ADAMTS18: variants seen among roughly 807,000 people sequenced by gnomAD.
ADAMTS18 encodes A disintegrin and metalloproteinase with thrombospondin motifs 18.
Under a neutral mutation model 165.9 loss-of-function variants are expected in ADAMTS18, and 157 were observed. That is an observed-to-expected ratio of 0.95 (90% CI 0.83 to 1.08). ADAMTS18 has a LOEUF of 1.08. Ranked by LOEUF, ADAMTS18 falls within the 50% of genes least tolerant of loss-of-function variation. The pLI is 0.00. For synonymous variants in ADAMTS18, 782 were observed against 578.2 expected, an observed-to-expected ratio of 1.35 and a Z score of -5.06; for missense variants, 2,040 against 1,534.0, an observed-to-expected ratio of 1.33 and a Z score of -5.51.
At chr16:77,376,916 G>C (rs2144762688) in intron 3 of ADAMTS18, among the ~76,000 whole-genome samples, 1 of 148,060 alleles carries the variant, frequency 6.8e-6, no homozygotes, top group African/African-American at 2.5e-5. Flanking sequence ...CCAGGTTCAA[G>C]CGATTCTTCT....
At position 77,322,323 on chromosome 16, in the gene ADAMTS18, A is replaced by G. The variant is rs1202845548; in HGVS notation, c.2163+13T>C. On this transcript the variant is annotated intron_variant, in intron 14 of 22. Coordinates refer to ENST00000282849, the MANE Select transcript of ADAMTS18 (RefSeq NM_199355.4). Reference sequence around the variant, plus strand: ...GCATGCTCATACACTCCAAAGCAGAAACGTTCTCTTACTTCACAAACCCCG... The same window carrying G: ...GCATGCTCATACACTCCAAAGCAGAGACGTTCTCTTACTTCACAAACCCCG... 5 of 1,613,988 alleles carry G rather than the reference A, an allele frequency of 3.1e-6. No individual in the cohort carries two copies. Among genetic ancestry groups the G allele is most frequent in the Non-Finnish European group, 4.2e-6 (5 of 1,179,908 alleles).
chr16:77,429,481 G>A (rs888852135), intron 3 of ADAMTS18, among the ~76,000 whole-genome samples: 1 of 152,082 alleles, frequency 6.6e-6, no homozygotes, highest in Non-Finnish European at 1.5e-5. Context: ...ATAACCATTG[G>A]GTACTGGGCT....
intron 3 of ADAMTS18, among the ~76,000 whole-genome samples, chr16:77,402,052 T>G (rs1964269760): frequency 6.6e-6 from 1 of 152,198 alleles, no homozygotes; most frequent in Non-Finnish European, 1.5e-5. Context: ...GTGGAAATTT[T>G]CAGCTTCCAT....
intron 3 of ADAMTS18, among the ~76,000 whole-genome samples, chr16:77,418,410 G>A (rs2057557627): frequency 6.6e-6 from 1 of 152,144 alleles, no homozygotes; most frequent in Admixed American, 6.5e-5. Context: ...GGCTATGTCT[G>A]GAGACATTTT....
chr16:77,367,726 A>T lies in ADAMTS18; in HGVS notation c.496-3T>A. On this transcript the variant is annotated splice_region_variant and splice_polypyrimidine_tract_variant and intron_variant, in intron 3 of 22. Transcript: ENST00000282849. Reference sequence around the variant, plus strand: ...TTTCGTGTCCTTATTAAACCTGACTAAAAAGCCAAACACAAAGCAAACAGT... The same window carrying T: ...TTTCGTGTCCTTATTAAACCTGACTTAAAAGCCAAACACAAAGCAAACAGT... 6.2e-7 allele frequency: 1 copy of T among 1,614,190 alleles called. No individual in the cohort carries two copies. Among genetic ancestry groups the T allele is most frequent in the Non-Finnish European group, 8.5e-7 (1 of 1,180,020 alleles).
In ADAMTS18 at chr16:77,289,245, G is replaced by C; in HGVS notation, c.3550+19C>G. ...ATCTAAAGACTAGTAAAGTTGACTGGAGCATGGTGCCTTTTTACCTCTCTT... is the reference window on the plus strand; with the variant it reads ...ATCTAAAGACTAGTAAAGTTGACTGCAGCATGGTGCCTTTTTACCTCTCTT... On this transcript the variant is annotated intron_variant, in intron 22 of 22. Coordinates refer to ENST00000282849, the MANE Select transcript of ADAMTS18 (RefSeq NM_199355.4). The C allele has an allele frequency of 6.2e-7, 1 of 1,613,952 alleles. No homozygotes were observed. The highest frequency in any genetic ancestry group is 8.5e-7 in the Non-Finnish European group (1 of 1,179,886).
chr16:77,381,480 G>C (rs2057029312), intron 3 of ADAMTS18, among the ~76,000 whole-genome samples: 1 of 152,154 alleles, frequency 6.6e-6, no homozygotes. Context: ...GTCATTCTCA[G>C]AAGTGAGTGC....
intron 3 of ADAMTS18, among the ~76,000 whole-genome samples, chr16:77,372,864 C>A (rs767608405): frequency 1.4e-4 from 22 of 152,152 alleles, no homozygotes; most frequent in Admixed American, 7.2e-4. Context: ...CCCACAACAG[C>A]CAGAGTCCTT....
At chr16:77,314,785 T>TATATATATATATATATATATAA (rs1430439608) in intron 16 of ADAMTS18, among the ~76,000 whole-genome samples, 1 of 87,108 alleles carries the variant, frequency 1.1e-5, no homozygotes. Flanking sequence ...TATATATATA[T>TATATATATATATATATATATAA]AAAATATATG....
chr16:77,387,587 C>G (rs1286038427), intron 3 of ADAMTS18, among the ~76,000 whole-genome samples: 1 of 152,186 alleles, frequency 6.6e-6, no homozygotes, highest in African/African-American at 2.4e-5. Context: ...CATTTGAATG[C>G]AAACTGCTTC....
At chr16:77,320,186 AGAGT>A in intron 15 of ADAMTS18, 93 bp from the exon 16 acceptor site, 1 of 1,475,414 alleles carries the variant, frequency 6.8e-7, no homozygotes, top group Non-Finnish European at 9.4e-7. Flanking sequence ...TCAGTTTTAT[AGAGT>A]GAGGTTTTTA....
intron 3 of ADAMTS18, among the ~76,000 whole-genome samples, chr16:77,400,151 T>A (rs1310759895): frequency 1.3e-5 from 2 of 152,178 alleles, no homozygotes. Flanking sequence ...ATAGAAGACC[T>A]CCATGGTCTT....
At position 77,431,556 on chromosome 16, in the gene ADAMTS18, G is replaced by A. The variant is rs369294701; in HGVS notation, c.234C>T (p.His78=). The stretch of plus-strand genomic sequence containing the variant: ...TTTTCCTGCCGTTGTGCAAAATGTC[G>A]TGTGAAATATATGACCCGGCTGAGT... ...EVDSAGSYIS[H]DILHNGRKKR... Residue 78 remains histidine, a synonymous_variant, in exon 3 of 23, where the codon CAC becomes CAT. Transcript: ENST00000282849. 14 of 1,614,158 alleles carry A rather than the reference G, an allele frequency of 8.7e-6. No homozygotes were observed. The Middle Eastern group carries it at 4.9e-4, about 57-fold the overall frequency.
intron 3 of ADAMTS18, among the ~76,000 whole-genome samples, chr16:77,410,965 G>C (rs935279833): frequency 1.4e-4 from 22 of 152,124 alleles, no homozygotes; most frequent in African/African-American, 5.1e-4. Flanking sequence ...TTATTCACTA[G>C]TTTTGGAAGA....
chr16:77,322,185 G>C, intron 14 of ADAMTS18, 151 bp downstream of exon 14: 1 of 633,746 alleles, frequency 1.6e-6, no homozygotes, highest in Non-Finnish European at 2.7e-6. Context: ...AAAAGATATG[G>C]TGCTCGAATC....
intron 3 of ADAMTS18, among the ~76,000 whole-genome samples, chr16:77,396,132 G>A (rs767738425): frequency 3.9e-5 from 6 of 152,112 alleles, no homozygotes; most frequent in South Asian, 4.1e-4. Flanking sequence ...AGCCATTGAC[G>A]ACCAAGCTCT....
intron 15 of ADAMTS18, 51 bp downstream of exon 15, chr16:77,321,028 G>A (rs2055987494): frequency 3.1e-6 from 5 of 1,612,384 alleles, no homozygotes; most frequent in African/African-American, 2.7e-5. Context: ...AAACTTGTTT[G>A]GTAGCAAAAG....
chr16:77,416,014 G>A (rs989286438), intron 3 of ADAMTS18, among the ~76,000 whole-genome samples: 5 of 152,166 alleles, frequency 3.3e-5, no homozygotes, highest in Admixed American at 6.5e-5. Context: ...TGATATTCAA[G>A]GTGGAAGGCA....
intron 4 of ADAMTS18, 136 bp downstream of exon 4, chr16:77,367,305 A>T: frequency 1.1e-6 from 1 of 903,602 alleles, no homozygotes; most frequent in Non-Finnish European, 1.8e-6. Context: ...TGAGAGAGAT[A>T]ATTACTGGTC....
Sources: gnomAD v4.1 joint callset for allele counts (sites outside exome capture counted in the v4.1 genomes callset) on GRCh38, gnomAD v4.1.1 for gene constraint, MANE v1.5 for transcripts, NCBI Gene and HGNC (gene_info 2026-07-23, HGNC 2026-07-21) for gene names.